The following KCNMB3 variants were observed in gnomAD, a reference collection of about 807,000 sequenced individuals.
KCNMB3 encodes calcium-activated potassium channel subunit beta-3.
In KCNMB3, 18 loss-of-function variants were observed where a neutral mutation model predicts 11.9. The ratio of observed to expected loss-of-function variants is 1.51; its 90% CI spans 1.04 to 2.23. KCNMB3 has a LOEUF of 2.23. Ranked by LOEUF, KCNMB3 falls within the 30% of genes most tolerant of loss-of-function variation. The pLI is 0.00. For missense variants in KCNMB3, 247 were observed against 329.4 expected (o/e 0.75, Z 1.94); for synonymous variants, 78 against 119.2 (o/e 0.65, Z 2.25).
At chr3:179,262,931 C>A (rs938240229) in intron 1 of KCNMB3, among the ~76,000 whole-genome samples, 1 of 152,238 alleles carries the variant, frequency 6.6e-6, no homozygotes, top group Non-Finnish European at 1.5e-5. Flanking sequence ...TTTACAATCT[C>A]TTAGCTAAAC....
intron 1 of KCNMB3, among the ~76,000 whole-genome samples, chr3:179,249,448 C>T (rs981690842): frequency 6.6e-6 from 1 of 151,770 alleles, no homozygotes; most frequent in African/African-American, 2.4e-5. Context: ...ATCACAGGGT[C>T]AGGAGTTCAA....
At chr3:179,256,845 T>C (rs930618897) in intron 1 of KCNMB3, among the ~76,000 whole-genome samples, 1 of 152,162 alleles carries the variant, frequency 6.6e-6, no homozygotes, top group Non-Finnish European at 1.5e-5. Context: ...TAAAACTAAA[T>C]GGAGTAAATG....
At chr3:179,245,559 G>C (rs1420983213) in intron 1 of KCNMB3, among the ~76,000 whole-genome samples, 1 of 152,106 alleles carries the variant, frequency 6.6e-6, no homozygotes, top group Non-Finnish European at 1.5e-5. Flanking sequence ...GGCTGGAGTG[G>C]TGCAATCTCG....
chr3:179,254,428 T>A (rs560261683), upstream of KCNMB3, among the ~76,000 whole-genome samples: 2 of 152,324 alleles, frequency 1.3e-5, no homozygotes, highest in African/African-American at 4.8e-5. Flanking sequence ...TTTCGTGTAA[T>A]GTTGTTTAAG....
At chr3:179,261,334 C>A (rs113171646) in intron 1 of KCNMB3, 81,674 of 1,181,580 alleles carry the variant, frequency 0.069, 3,056 homozygotes, top group Non-Finnish European at 0.076. Flanking sequence ...CCGGAGCCCC[C>A]CCCCGCGGGC....
intron 1 of KCNMB3, among the ~76,000 whole-genome samples, chr3:179,266,247 AG>A (rs1428301326): frequency 6.6e-6 from 1 of 151,754 alleles, no homozygotes; most frequent in East Asian, 1.9e-4. Context: ...TGGCTGATTA[AG>A]TGGTGAGCTG....
At chr3:179,252,013 C>A (rs1251692723), upstream of KCNMB3, among the ~76,000 whole-genome samples, 1 of 152,184 alleles carries the variant, frequency 6.6e-6, no homozygotes, top group Non-Finnish European at 1.5e-5. Flanking sequence ...AGCCACTGCA[C>A]CCGGCCTGGT....
upstream of KCNMB3, among the ~76,000 whole-genome samples, chr3:179,251,965 C>T (rs1463449638): frequency 6.6e-6 from 1 of 152,178 alleles, no homozygotes; most frequent in African/African-American, 2.4e-5. Context: ...CATGATCCAC[C>T]CACCTCAGCC....
At chr3:179,254,609 G>A (rs1480565978), upstream of KCNMB3, among the ~76,000 whole-genome samples, 1 of 152,074 alleles carries the variant, frequency 6.6e-6, no homozygotes, top group Non-Finnish European at 1.5e-5. Context: ...AGGAGATCGA[G>A]ACCATCCTGG....
upstream of KCNMB3, chr3:179,251,225 G>T (rs1263616167): frequency 2.6e-6 from 4 of 1,545,456 alleles, no homozygotes; most frequent in African/African-American, 5.5e-5. Flanking sequence ...AGAGAATGTT[G>T]TATGTAAATA....
At chr3:179,265,259 C>G (rs189663891) in intron 1 of KCNMB3, among the ~76,000 whole-genome samples, 1 of 152,316 alleles carries the variant, frequency 6.6e-6, no homozygotes, top group African/African-American at 2.4e-5. Context: ...TATCCAAACT[C>G]CTGTATCTCA....
intron 1 of KCNMB3, among the ~76,000 whole-genome samples, chr3:179,247,827 C>A (rs766383242): frequency 3.3e-5 from 5 of 152,036 alleles, no homozygotes; most frequent in Admixed American, 6.6e-5. Context: ...GGAGATGAAT[C>A]ATAAATAACA....
chr3:179,240,300 G>C (rs1268954495), downstream of KCNMB3: 5 of 451,496 alleles, frequency 1.1e-5, no homozygotes, highest in East Asian at 1.8e-4. Flanking sequence ...CCCCAGTAAA[G>C]TGATGAATAT....
At chr3:179,257,084 A>G (rs1433875843) in intron 1 of KCNMB3, among the ~76,000 whole-genome samples, 1 of 152,200 alleles carries the variant, frequency 6.6e-6, no homozygotes, top group Non-Finnish European at 1.5e-5. Flanking sequence ...GGATTGCTTG[A>G]GCCCAGGTGT....
upstream of KCNMB3, chr3:179,251,118 G>A: frequency 3.7e-6 from 6 of 1,614,166 alleles, no homozygotes; most frequent in Non-Finnish European, 5.1e-6. Context: ...ATAAGCTAAA[G>A]TGATGTGTAA....
upstream of KCNMB3, among the ~76,000 whole-genome samples, chr3:179,252,915 A>G (rs1725894900): frequency 6.6e-6 from 1 of 151,984 alleles, no homozygotes; most frequent in Non-Finnish European, 1.5e-5. Flanking sequence ...TATTTTTAGT[A>G]GAGACGGGGT....
downstream of KCNMB3, chr3:179,241,887 G>C (rs1343214898): frequency 1.3e-5 from 2 of 154,152 alleles, no homozygotes; most frequent in Non-Finnish European, 2.9e-5. Flanking sequence ...CATCTGAGAT[G>C]AATGTTAAAA....
chr3:179,243,039 T>G lies in KCNMB3; in HGVS notation c.693A>C (p.Gln231His), dbSNP rs867202690. 6.3e-7 allele frequency: 1 copy of G among 1,598,148 alleles called. No homozygotes were observed. Among genetic ancestry groups the G allele is most frequent in the Non-Finnish European group, 8.5e-7 (1 of 1,172,920 alleles). Reference sequence around the variant, plus strand: ...ATTTTTCACACAGTAAGGACAGGTGTTGTGTTAATCTCACCATGCCAACAA... The same window carrying G: ...ATTTTTCACACAGTAAGGACAGGTGGTGTGTTAATCTCACCATGCCAACAA... Reference protein sequence around the residue: ...ALIVGMVRLTQHLSLLCEKYS... With the variant: ...ALIVGMVRLTHHLSLLCEKYS... Residue 231 changes from glutamine to histidine, a missense_variant, in exon 3 of 3, where the codon CAA (glutamine) becomes CAC (histidine). By Grantham distance (24) the Gln-to-His change is conservative. Transcript: ENST00000392685.
rs909604054 is a variant in KCNMB3 at position 179,266,500 on chromosome 3, G to A, written c.62+149C>T. On this transcript the variant is annotated intron_variant, in intron 1 of 3. Transcript: ENST00000349697. ...CCGTGATGTGAGTGCTACTGGGGAA[G>A]CCTGCTGGGTACCCTGGGAGGCATG... 2.0e-5 allele frequency: 17 copies of A among 839,140 alleles called. No homozygotes were observed. In the African/African-American group the frequency reaches 2.6e-4, roughly 13 times the overall value. The allele number at this position is 839,140 out of a possible 1,614,324, so 52.0% of individuals were successfully genotyped here.
Sources: gnomAD v4.1 joint callset for allele counts (sites outside exome capture counted in the v4.1 genomes callset) on GRCh38, gnomAD v4.1.1 for gene constraint, MANE v1.5 for transcripts, NCBI Gene and HGNC (gene_info 2026-07-23, HGNC 2026-07-21) for gene names.